Variants in PKD2L2 observed in about 807,000 individuals in gnomAD.
The protein encoded by PKD2L2 is polycystin-2-like protein 2.
A neutral mutation model predicts 83.9 loss-of-function variants in PKD2L2; 67 were observed. The observed-to-expected ratio is 0.80, with a 90% confidence interval of 0.66 to 0.98. PKD2L2 has a LOEUF of 0.98. PKD2L2 is among the 50% of genes least tolerant of loss of function. PKD2L2 has a pLI of 0.00. For missense variants in PKD2L2, 632 were observed against 717.2 expected, an observed-to-expected ratio of 0.88 and a Z score of 1.36; for synonymous variants, 223 against 237.8, an observed-to-expected ratio of 0.94 and a Z score of 0.57.
chr5:137,927,409 G>A (rs1420659150), intron 12 of PKD2L2, among the ~76,000 whole-genome samples: 4 of 152,306 alleles, frequency 2.6e-5, no homozygotes, highest in Non-Finnish European at 1.5e-5. Context: ...AAGTCATGAA[G>A]TCAAGGTAAA....
At position 137,939,701 on chromosome 5, in the gene PKD2L2, C is replaced by T. The variant is rs56124297; in HGVS notation, c.*18-2683C>T. ...TTAAACAGAAAGGTGTTCCATAGTACGACTTGAAATCTCAGTTTGATTTTG... is the reference window on the plus strand; with the variant it reads ...TTAAACAGAAAGGTGTTCCATAGTATGACTTGAAATCTCAGTTTGATTTTG... On this transcript the variant is annotated intron_variant, in intron 14 of 14. Transcript: ENST00000508883. 1,473 of 230,652 alleles carry T rather than the reference C, an allele frequency of 6.4e-3. 15 individuals carry two copies. Among genetic ancestry groups the T allele is most frequent in the Non-Finnish European group, 7.2e-3 (945 of 131,174 alleles). The allele number at this position is 230,652 out of a possible 1,614,324, so 14.3% of individuals were successfully genotyped here. A position where few individuals can be genotyped will look rare whatever the true frequency, so the allele number is the denominator to read the frequency against.
chr5:137,896,743 G>A (rs1053402197), intron 4 of PKD2L2, among the ~76,000 whole-genome samples: 14 of 151,714 alleles, frequency 9.2e-5, no homozygotes, highest in African/African-American at 3.1e-4. Flanking sequence ...AAGGTGATGC[G>A]TCATATAGCT....
intron 4 of PKD2L2, 80 bp from the exon 5 acceptor site, chr5:137,899,436 A>T: frequency 1.9e-6 from 2 of 1,026,720 alleles, no homozygotes; most frequent in Non-Finnish European, 2.9e-6. Context: ...CTACTTTTGA[A>T]CCAAAGATCG....
At chr5:137,912,052 C>A (rs1475812640) in intron 8 of PKD2L2, among the ~76,000 whole-genome samples, 2 of 152,150 alleles carry the variant, frequency 1.3e-5, no homozygotes, top group Non-Finnish European at 2.9e-5. Context: ...ATCCATTTAA[C>A]CATTAATAGA....
chr5:137,935,814 G>A lies in PKD2L2; in HGVS notation c.1689G>A (p.Glu563=), dbSNP rs2150066274. The A allele has an allele frequency of 6.2e-7, 1 of 1,602,102 alleles. No homozygotes were observed. Among genetic ancestry groups the A allele is most frequent in the Non-Finnish European group, 8.6e-7 (1 of 1,169,262 alleles). The part of the protein sequence containing the change: ...GFDENEIQNA[E]QMKKWKERLE... ...CCTGACAGGAGATTCAAAACGCAGA[G>A]CAGATGAAAAAATGGAAAGAGAGGC... The change falls in exon 13 of 15, where the codon GAG becomes GAA. Residue 563 remains glutamate (E), a synonymous_variant. Coordinates refer to ENST00000508883, the MANE Select transcript of PKD2L2 (RefSeq NM_001300921.2).
intron 4 of PKD2L2, among the ~76,000 whole-genome samples, chr5:137,897,984 T>G (rs1756624036): frequency 6.6e-6 from 1 of 151,696 alleles, no homozygotes; most frequent in Admixed American, 6.6e-5. Flanking sequence ...TTTTTTTTTT[T>G]GAGACAGAGT....
chr5:137,923,462 A>G lies in PKD2L2; in HGVS notation c.1492A>G (p.Lys498Glu). 6.4e-7 allele frequency: 1 copy of G among 1,565,196 alleles called. No individual in the cohort carries two copies. Among genetic ancestry groups the G allele is most frequent in the Non-Finnish European group, 8.8e-7 (1 of 1,135,544 alleles). ...TATTAATGATACCTATTCTGAAGTG[A>G]AAGCTGACTATTCAATAGGCAGAAG... ...AIINDTYSEV[K>E]ADYSIGRRLD... Residue 498 changes from lysine (K) to glutamate (E), a missense_variant, in exon 10 of 15, where the codon AAA (lysine) becomes GAA (glutamate). Around this residue, in one of 3 missense-constraint regions of PKD2L2, gnomAD observed 399 missense variants for 416.9 expected, o/e 0.96. Transcript: ENST00000508883.
At chr5:137,914,135 C>T (rs1758114236) in intron 8 of PKD2L2, among the ~76,000 whole-genome samples, 1 of 147,870 alleles carries the variant, frequency 6.8e-6, no homozygotes, top group South Asian at 2.1e-4. Flanking sequence ...AGAGACTCAT[C>T]CGTCTTGGCC....
At position 137,894,618 on chromosome 5, in the gene PKD2L2, C is replaced by T. The variant is rs1029426744; in HGVS notation, c.524+9C>T. On this transcript the variant is annotated intron_variant, in intron 4 of 14. Transcript: ENST00000508883. ...CTTCAAATTAATACTGAGTAAGTAG[C>T]ATAAAATTATACTGTAACTTTTTCT... 18 of 1,596,168 alleles carry T rather than the reference C, an allele frequency of 1.1e-5. No individual in the cohort carries two copies. The highest frequency in any genetic ancestry group is 1.5e-5 in the Non-Finnish European group (18 of 1,167,512).
At chr5:137,938,887 G>A (rs972395312) in intron 14 of PKD2L2, 2 of 152,070 alleles carry the variant, frequency 1.3e-5, no homozygotes, top group Non-Finnish European at 2.9e-5. Flanking sequence ...CATGGGTATA[G>A]TCAAAGTGAG....
intron 12 of PKD2L2, among the ~76,000 whole-genome samples, chr5:137,933,413 A>C (rs1760050034): frequency 6.6e-6 from 1 of 152,222 alleles, no homozygotes; most frequent in African/African-American, 2.4e-5. Flanking sequence ...CAATTCCTTA[A>C]GAATACTTTG....
chr5:137,936,341 G>T lies in PKD2L2; in HGVS notation c.1806G>T (p.Glu602Asp), dbSNP rs1221625307. 2 of 1,531,180 alleles carry T rather than the reference G, an allele frequency of 1.3e-6. No individual in the cohort carries two copies. The highest frequency in any genetic ancestry group is 1.8e-6 in the Non-Finnish European group (2 of 1,142,348). 94.8% of individuals were successfully genotyped at this position (1,531,180 alleles called of 1,614,324 possible). Residue 602 changes from glutamate to aspartate, a missense_variant, in exon 14 of 15, where the codon GAG becomes GAT. Glu to Asp is a conservative substitution (Grantham distance 45). Coordinates refer to ENST00000508883, the MANE Select transcript of PKD2L2 (RefSeq NM_001300921.2). ...EFRELFLYAV[E>D]LEKELHYINL... The stretch of plus-strand genomic sequence containing the variant: ...CTAGACTTTTTTTATATGCTGTGGA[G>T]CTGGAGAAGGAATTACACTACATCA...
chr5:137,894,242 T>G, intron 3 of PKD2L2, 111 bp from the exon 4 acceptor site: 1 of 918,542 alleles, frequency 1.1e-6, no homozygotes, highest in South Asian at 1.6e-5. Context: ...AATGGTAGCT[T>G]GGTCAATAGT....
intron 8 of PKD2L2, among the ~76,000 whole-genome samples, chr5:137,918,959 TGTGTGTGTGA>T (rs993812377): frequency 1.3e-5 from 2 of 148,756 alleles, no homozygotes; most frequent in African/African-American, 2.5e-5. Flanking sequence ...TGTGTGTGTG[TGTGTGTGTGA>T]GTGTGTGTGT....
At chr5:137,932,887 T>G (rs1759990019) in intron 12 of PKD2L2, among the ~76,000 whole-genome samples, 1 of 152,088 alleles carries the variant, frequency 6.6e-6, no homozygotes, top group Non-Finnish European at 1.5e-5. Context: ...ACTTCAGATT[T>G]CCGATTAGGG....
In PKD2L2 at chr5:137,914,962, G is replaced by A. The variant is rs74922071; in HGVS notation, c.1328+6016G>A. On this transcript the variant is annotated intron_variant, in intron 8 of 14. Transcript: ENST00000508883. ...TATGTTGAACCATCCTTGCATTGTA[G>A]GGATAAATCTCACTTGTTCATGGTA... Among the ~76,000 whole-genome samples, 770 of 152,134 alleles carry A rather than the reference G, an allele frequency of 5.1e-3. 5 individuals carry two copies. Among genetic ancestry groups the A allele is most frequent in the African/African-American group, 0.017 (713 of 41,486 alleles).
At chr5:137,902,125 T>C (rs1052078432) in intron 5 of PKD2L2, among the ~76,000 whole-genome samples, 2 of 151,812 alleles carry the variant, frequency 1.3e-5, no homozygotes, top group Non-Finnish European at 2.9e-5. Context: ...AAGGAAAACA[T>C]AGAAACAGAA....
chr5:137,907,647 C>G, intron 6 of PKD2L2, 95 bp from the exon 7 acceptor site: 1 of 655,098 alleles, frequency 1.5e-6, no homozygotes, highest in Non-Finnish European at 2.4e-6. Flanking sequence ...CTTTGTTAAA[C>G]TTTTGATGAA....
intron 8 of PKD2L2, among the ~76,000 whole-genome samples, chr5:137,911,132 T>G (rs1372311194): frequency 6.6e-6 from 1 of 152,170 alleles, no homozygotes; most frequent in Non-Finnish European, 1.5e-5. Context: ...TATTTTCCCC[T>G]TCCCTGGCCC....
Sources: allele counts gnomAD v4.1 joint callset (sites outside exome capture counted in the v4.1 genomes callset), GRCh38; gene constraint gnomAD v4.1.1; regional missense constraint gnomAD v4.1.1; transcripts MANE v1.5; gene names NCBI Gene and HGNC (gene_info 2026-07-23, HGNC 2026-07-21).